Variants in EMC1 observed in about 807,000 individuals in gnomAD.
EMC1 encodes the protein KIAA0090.
Under a neutral mutation model 128.8 loss-of-function variants are expected in EMC1, and 103 were observed. That is an observed-to-expected ratio of 0.80 (90% confidence interval 0.68 to 0.94). The LOEUF is 0.94. Ranked by LOEUF, EMC1 falls within the 40% of genes least tolerant of loss-of-function variation. The pLI is 0.00. For missense variants in EMC1, 1,083 were observed against 1,250.6 expected (o/e 0.87, Z 2.02); for synonymous variants, 442 against 490.4 (o/e 0.90, Z 1.30).
chr1:19,242,195 C>G, intron 5 of EMC1, 150 bp downstream of exon 5: 1 of 785,192 alleles, frequency 1.3e-6, no homozygotes, highest in Non-Finnish European at 2.0e-6. Context: ...TACTCACAGC[C>G]TTCAAGATAT....
intron 1 of EMC1, among the ~76,000 whole-genome samples, chr1:19,249,225 G>A (rs751386563): frequency 6.6e-6 from 1 of 152,136 alleles, no homozygotes; most frequent in Non-Finnish European, 1.5e-5. Context: ...AAAGTCCACA[G>A]TAGTGTACAG....
chr1:19,235,093 C>T, intron 13 of EMC1, 37 bp downstream of exon 13: 5 of 1,606,114 alleles, frequency 3.1e-6, no homozygotes, highest in Non-Finnish European at 4.3e-6. Context: ...ACTGGCCCCT[C>T]CAGCAACTCT....
At chr1:19,223,053 G>C (rs1170373700) in intron 19 of EMC1, 3 of 572,492 alleles carry the variant, frequency 5.2e-6, no homozygotes, top group Non-Finnish European at 9.2e-6. Context: ...ATTCTCAAGA[G>C]TCTTAGAAGC....
chr1:19,246,574 G>A (rs986463070), intron 1 of EMC1, among the ~76,000 whole-genome samples: 1 of 151,300 alleles, frequency 6.6e-6, no homozygotes, highest in Non-Finnish European at 1.5e-5. Context: ...CTTGAGGTCC[G>A]GAGTTTGAGA....
At chr1:19,232,531 TCA>T in intron 15 of EMC1, 91 bp downstream of exon 15, 1 of 1,412,070 alleles carries the variant, frequency 7.1e-7, no homozygotes, top group South Asian at 1.2e-5. Flanking sequence ...CCTCATTAAC[TCA>T]CACAATTCCA....
Position 19,227,361 on chromosome 1 carries a change from G to C in EMC1, c.2154C>G (p.His718Gln). 7 of 1,614,152 alleles carry C rather than the reference G, an allele frequency of 4.3e-6. No individual in the cohort carries two copies. The highest frequency in any genetic ancestry group is 5.9e-6 in the Non-Finnish European group (7 of 1,180,024). Reference sequence around the variant, plus strand: ...CCATCACACGGCCCTGGGAATGAACGTGCTCACTGCTGCGTTTCCCCTTCA... The same window carrying C: ...CCATCACACGGCCCTGGGAATGAACCTGCTCACTGCTGCGTTTCCCCTTCA... The part of the protein sequence containing the change: ...VKVKGKRSSE[H>Q]VHSQGRVMGD... The change falls in exon 18 of 23, where the codon CAC becomes CAG. Residue 718 changes from histidine to glutamine, a missense_variant. By Grantham distance (24) the His-to-Gln change is conservative (BLOSUM62 0). Around this residue, in one of 3 missense-constraint regions of EMC1, gnomAD observed 527 missense variants for 644.1 expected, o/e 0.82. Coordinates refer to ENST00000477853, the MANE Select transcript of EMC1 (RefSeq NM_015047.3).
intron 11 of EMC1, 122 bp downstream of exon 11, chr1:19,237,895 G>T: frequency 7.9e-7 from 1 of 1,262,356 alleles, no homozygotes; most frequent in Non-Finnish European, 1.1e-6. Context: ...GGCTCAGAGA[G>T]CACTAGAACA....
intron 13 of EMC1, among the ~76,000 whole-genome samples, chr1:19,233,807 C>T (rs780556013): frequency 2.0e-4 from 30 of 152,194 alleles, no homozygotes; most frequent in Non-Finnish European, 3.8e-4. Context: ...CCACTCACTG[C>T]GGGGTAACAC....
chr1:19,232,818 CA>C, intron 14 of EMC1, 45 bp from the exon 15 acceptor site: 1 of 1,612,654 alleles, frequency 6.2e-7, no homozygotes, highest in Non-Finnish European at 8.5e-7. Context: ...AAAGAGAAAC[CA>C]AAGAACTGAG....
chr1:19,233,906 G>A (rs896151288), intron 13 of EMC1, among the ~76,000 whole-genome samples: 8 of 152,178 alleles, frequency 5.3e-5, no homozygotes, highest in East Asian at 1.9e-4. Context: ...TACATCATAC[G>A]ATGTACATAA....
At chr1:19,248,976 T>TGAGTTCAG (rs1191450629) in intron 1 of EMC1, among the ~76,000 whole-genome samples, 71 of 152,264 alleles carry the variant, frequency 4.7e-4, no homozygotes, top group Admixed American at 2.0e-3. Context: ...GAGGCTTGCT[T>TGAGTTCAG]GAGTCCAGGA....
In EMC1 at chr1:19,232,871, G is replaced by A; in HGVS notation, c.1632+65C>T. ...AGAACCAGTGTTATCCCTCACTGAA[G>A]GCTTTTTGTTCCTCACCCTCAGAAT... On this transcript the variant is annotated intron_variant, in intron 14 of 22. Transcript: ENST00000477853. The A allele has an allele frequency of 3.7e-6, 6 of 1,605,312 alleles. No homozygotes were observed. In the South Asian group the frequency reaches 6.6e-5, roughly 18 times the overall value.
rs2093533157 is a variant in EMC1, at chr1:19,232,729, CT to C, written c.1676del (p.Gln559ArgfsTer14). On this transcript the variant is annotated frameshift_variant, in exon 15 of 23. Coordinates refer to ENST00000477853, the MANE Select transcript of EMC1 (RefSeq NM_015047.3). LOFTEE classifies it high-confidence loss of function. ...AGTCTGGCTTGACATTGGGTAGATA[CT>C]GTTTCCACAGGATGGTGCCAGAGCT... ...ESSSGTILWK[Q>X]YLPNVKPDSS... is the part of the protein sequence containing the mutation. 1 of 1,614,034 alleles carries C rather than the reference CT, an allele frequency of 6.2e-7. No homozygotes were observed. Among genetic ancestry groups the C allele is most frequent in the Admixed American group, 1.7e-5 (1 of 59,992 alleles).
Position 19,219,481 on chromosome 1 carries a change from A to T in EMC1, c.2804T>A (p.Val935Asp). Residue 935 changes from valine (V) to aspartate (D), a missense_variant and splice_region_variant, in exon 23 of 23, where the codon GTT becomes GAT. By Grantham distance (152) the Val-to-Asp change is radical (BLOSUM62 -3). This residue lies in a region of EMC1 where 527 missense variants were observed against 644.1 expected (regional missense o/e 0.82). Coordinates refer to ENST00000477853, the MANE Select transcript of EMC1 (RefSeq NM_015047.3). ...APSGLESTCL[V>D]VAYGLDIYQT... ...GTAAATGTCCAAACCATAGGCCACA[A>T]CCTGGAAGGCAGATGGAATAAGAAT... The T allele has an allele frequency of 6.2e-7, 1 of 1,614,040 alleles. No individual in the cohort carries two copies. Among genetic ancestry groups the T allele is most frequent in the Non-Finnish European group, 8.5e-7 (1 of 1,180,016 alleles).
At chr1:19,229,521 C>T (rs1270332710) in intron 17 of EMC1, 1 of 152,224 alleles carries the variant, frequency 6.6e-6, no homozygotes, top group African/African-American at 2.4e-5. Flanking sequence ...ACTCCAGATT[C>T]ATGACACCCA....
At chr1:19,251,318 T>C in intron 1 of EMC1, 97 bp downstream of exon 1, 1 of 1,147,012 alleles carries the variant, frequency 8.7e-7, no homozygotes, top group South Asian at 1.3e-5. Flanking sequence ...CTGCAAATTA[T>C]GCGGCCAATC....
chr1:19,231,581 C>T (rs1159571095), intron 15 of EMC1, among the ~76,000 whole-genome samples, 159 bp from the exon 16 acceptor site: 1 of 152,164 alleles, frequency 6.6e-6, no homozygotes, highest in Non-Finnish European at 1.5e-5. Context: ...GAATAGTCCC[C>T]TAGGCTAACG....
At chr1:19,223,628 C>G in intron 18 of EMC1, 59 bp from the exon 19 acceptor site, 1 of 1,545,592 alleles carries the variant, frequency 6.5e-7, no homozygotes. Flanking sequence ...CACTCCATTC[C>G]TGTGCTGTGA....
intron 18 of EMC1, among the ~76,000 whole-genome samples, chr1:19,223,990 G>C (rs563178878): frequency 5.9e-5 from 9 of 152,286 alleles, no homozygotes; most frequent in Non-Finnish European, 1.0e-4. Flanking sequence ...AAATCCAGTG[G>C]CTAAGTCTTG....
Sources: gnomAD v4.1 joint callset for allele counts (sites outside exome capture counted in the v4.1 genomes callset) on GRCh38, gnomAD v4.1.1 for gene constraint, gnomAD v4.1.1 regional missense constraint, MANE v1.5 for transcripts, NCBI Gene and HGNC (gene_info 2026-07-23, HGNC 2026-07-21) for gene names.